Variants in DEFB109B observed in about 807,000 individuals in gnomAD.
The protein encoded by DEFB109B is defensin beta 109B, also known as beta-defensin 109B.
At chr8:7,316,841 C>G (rs1802973960) in intron 1 of DEFB109B, among the ~76,000 whole-genome samples, 1 of 130,474 alleles carries the variant, frequency 7.7e-6, no homozygotes, top group Non-Finnish European at 1.5e-5. Flanking sequence ...CAAGTTTTCA[C>G]CATCTTGGGC....
At chr8:7,313,597 G>T (rs1173343911) in intron 1 of DEFB109B, among the ~76,000 whole-genome samples, 1 of 144,800 alleles carries the variant, frequency 6.9e-6, no homozygotes, top group Non-Finnish European at 1.5e-5. Context: ...GCTGCTCAAG[G>T]TATATTACAG....
chr8:7,315,391 C>A (rs1462023054), intron 1 of DEFB109B, among the ~76,000 whole-genome samples: 1 of 136,888 alleles, frequency 7.3e-6, no homozygotes, highest in South Asian at 2.1e-4. Context: ...CCCAGCTACT[C>A]GGGAGGCTGA....
intron 1 of DEFB109B, among the ~76,000 whole-genome samples, chr8:7,317,144 CA>C (rs1171781400): frequency 1.5e-5 from 2 of 132,806 alleles, no homozygotes; most frequent in African/African-American, 7.5e-5. Flanking sequence ...CTTACCTGAT[CA>C]TTTTTAATGA....
At position 7,318,925 on chromosome 8, in the gene DEFB109B, T is replaced by C. The variant is rs1256270813; in HGVS notation, n.59-821T>C. ...CATTTATAATGTCAAAAACACTTTT[T>C]TCTAACTAATCTATTCTATGACTAA... On this transcript the variant is annotated intron_variant and non_coding_transcript_variant, in intron 1 of 1. Coordinates refer to ENST00000382656, the Ensembl canonical transcript of DEFB109B. 18 of 146,514 alleles carry C rather than the reference T, an allele frequency of 1.2e-4. 1 individual carries two copies. Among genetic ancestry groups the C allele is most frequent in the Admixed American group, 2.6e-4 (4 of 15,162 alleles). 9.1% of individuals were successfully genotyped at this position (146,514 alleles called of 1,614,324 possible).
At chr8:7,310,564 C>T (rs1358842865), upstream of DEFB109B, among the ~76,000 whole-genome samples, 1 of 138,294 alleles carries the variant, frequency 7.2e-6, no homozygotes, top group Non-Finnish European at 1.5e-5. Context: ...TCATCTGCAC[C>T]TCTGCCTTAG....
Position 7,313,250 on chromosome 8 carries a change from A to G in DEFB109B, n.58+347A>G, listed in dbSNP as rs190990851. 2.1e-5 allele frequency among the ~76,000 whole-genome samples: 3 copies of G among 146,012 alleles called. No homozygotes were observed. In the East Asian group the frequency reaches 5.9e-4, roughly 29 times the overall value. On this transcript the variant is annotated intron_variant and non_coding_transcript_variant, in intron 1 of 1. Coordinates refer to ENST00000382656, the Ensembl canonical transcript of DEFB109B. ...GACCTCAATGAGATGCCTTTGCGGG[A>G]CATGGAAATTTATATGCAGGCAGTT...
At position 7,318,946 on chromosome 8, in the gene DEFB109B, A is replaced by C. The variant is rs371028845; in HGVS notation, n.59-800A>C. On this transcript the variant is annotated intron_variant and non_coding_transcript_variant, in intron 1 of 1. Coordinates refer to ENST00000382656, the Ensembl canonical transcript of DEFB109B. The stretch of plus-strand genomic sequence containing the variant: ...TTTTTTCTAACTAATCTATTCTATG[A>C]CTAAGACACTATTAGCAATTAAAGT... 6.5e-3 allele frequency: 819 copies of C among 126,170 alleles called. 2 individuals carry two copies. Among genetic ancestry groups the C allele is most frequent in the African/African-American group, 0.018 (510 of 28,440 alleles). The allele number at this position is 126,170 out of a possible 1,614,324, so 7.8% of individuals were successfully genotyped here.
At chr8:7,315,284 G>T (rs1457831587) in intron 1 of DEFB109B, among the ~76,000 whole-genome samples, 1 of 128,484 alleles carries the variant, frequency 7.8e-6, no homozygotes, top group Non-Finnish European at 1.5e-5. Flanking sequence ...TTGGGAGGCC[G>T]AGGCCGGCAG....
intron 1 of DEFB109B, among the ~76,000 whole-genome samples, chr8:7,315,366 G>C (rs1185770044): frequency 2.9e-5 from 4 of 138,014 alleles, no homozygotes; most frequent in Non-Finnish European, 4.4e-5. Flanking sequence ...GGGTGCGGTG[G>C]TACATGCCTT....
intron 1 of DEFB109B, chr8:7,318,955 C>T (rs533091718): frequency 1.4e-5 from 2 of 146,002 alleles, no homozygotes; most frequent in Non-Finnish European, 2.9e-5. Flanking sequence ...GACTAAGACA[C>T]TATTAGCAAT....
chr8:7,319,718 C>T (rs534740705), intron 1 of DEFB109B, 28 bp from the exon 2 acceptor site: 2 of 148,394 alleles, frequency 1.3e-5, no homozygotes, highest in African/African-American at 5.5e-5. Context: ...TGTGGACTAA[C>T]TATCTCACTG....
chr8:7,319,217 G>A (rs1259631539), intron 1 of DEFB109B: 1 of 100,344 alleles, frequency 1.0e-5, no homozygotes, highest in South Asian at 3.0e-4. Flanking sequence ...AGAAACTATG[G>A]CAACACAGTG....
chr8:7,320,049 G>A (rs1585323677), downstream of DEFB109B: 1 of 17,704 alleles, frequency 5.6e-5, no homozygotes, highest in East Asian at 1.1e-3. Context: ...TAACCGTCTT[G>A]CATTTTCACT....
upstream of DEFB109B, among the ~76,000 whole-genome samples, chr8:7,310,612 C>G (rs79576824): frequency 7.3e-6 from 1 of 137,028 alleles, no homozygotes; most frequent in African/African-American, 3.4e-5. Flanking sequence ...TGTGCATGTG[C>G]GTGCCTTTGC....
At chr8:7,310,549 G>A (rs965370921), upstream of DEFB109B, among the ~76,000 whole-genome samples, 1 of 139,174 alleles carries the variant, frequency 7.2e-6, no homozygotes, top group African/African-American at 3.3e-5. Context: ...GTCTATCCAA[G>A]ATTGTCATCT....
intron 1 of DEFB109B, chr8:7,318,685 T>TCCTA (rs1803098251): frequency 7.3e-6 from 1 of 137,354 alleles, no homozygotes; most frequent in African/African-American, 3.5e-5. Context: ...ACTATTTTCT[T>TCCTA]CCTAATCCTT....
chr8:7,315,812 T>A (rs1802883678), intron 1 of DEFB109B, among the ~76,000 whole-genome samples: 1 of 145,722 alleles, frequency 6.9e-6, no homozygotes, highest in Non-Finnish European at 1.5e-5. Flanking sequence ...TTTAAAGACT[T>A]CAGCTCTGTC....
chr8:7,313,673 C>G (rs1173260045), intron 1 of DEFB109B, among the ~76,000 whole-genome samples: 1 of 141,550 alleles, frequency 7.1e-6, no homozygotes, highest in Non-Finnish European at 1.5e-5. Context: ...CTGGGCTAAG[C>G]ATGCATTTTG....
At chr8:7,313,828 T>A (rs574386224) in intron 1 of DEFB109B, among the ~76,000 whole-genome samples, 6 of 128,662 alleles carry the variant, frequency 4.7e-5, no homozygotes, top group Non-Finnish European at 7.6e-5. Context: ...CACTTTATAA[T>A]AACCTGGCAA....
Sources: gnomAD v4.1 joint callset for allele counts (sites outside exome capture counted in the v4.1 genomes callset) on GRCh38, gnomAD v4.1.1 for gene constraint, MANE v1.5 for transcripts, NCBI Gene and HGNC (gene_info 2026-07-23, HGNC 2026-07-21) for gene names.